The following KLF15 variants were observed in gnomAD, a reference collection of about 807,000 sequenced individuals.
The protein encoded by KLF15 is Krueppel-like factor 15.
In KLF15, 4 loss-of-function variants were observed where a neutral mutation model predicts 24.6. The ratio of observed to expected loss-of-function variants is 0.16; its 90% CI spans 0.08 to 0.37. The LOEUF is 0.37. Among genes scored for constraint, KLF15 ranks in the 10% least tolerant of loss-of-function variants. The probability of loss-of-function intolerance (pLI) is 1.00; values close to 1 mark genes in which losing one functional copy is unlikely to be tolerated. For synonymous variants in KLF15, 246 were observed against 236.3 expected (o/e 1.04, Z -0.37); for missense variants, 496 against 560.6 (o/e 0.88, Z 1.16).
chr3:126,339,821 G>A (rs1222277433), downstream of KLF15, among the ~76,000 whole-genome samples: 1 of 152,166 alleles, frequency 6.6e-6, no homozygotes, highest in African/African-American at 2.4e-5. Context: ...CCCTATTCAC[G>A]AACAGACAGT....
chr3:126,308,452 C>T, the KLF15 span, among the ~76,000 whole-genome samples: 6 of 150,930 alleles, frequency 4.0e-5, no homozygotes, highest in Admixed American at 1.3e-4. Flanking sequence ...CGCCAGGGGA[C>T]GACCACCTCA....
Position 126,351,969 on chromosome 3 carries a change from G to C in KLF15, c.954C>G (p.Ile318Met). The C allele has an allele frequency of 6.2e-7, 1 of 1,606,012 alleles. No homozygotes were observed. Among genetic ancestry groups the C allele is most frequent in the Non-Finnish European group, 8.5e-7 (1 of 1,176,188 alleles). ...CAGGGAAAGTACATTTGTGCATTTT[G>C]ATGAGTTCTGCGGCTGGGTTCTTGG... ...KFPKNPAAEL[I>M]KMHKCTFPGC... is the part of the protein sequence containing the mutation. Residue 318 changes from isoleucine to methionine, a missense_variant, in exon 2 of 3, where the codon ATC (isoleucine) becomes ATG (methionine). Coordinates refer to ENST00000296233, the MANE Select transcript of KLF15 (RefSeq NM_014079.4).
At chr3:126,348,386 C>A (rs1487129688) in intron 2 of KLF15, among the ~76,000 whole-genome samples, 2 of 152,116 alleles carry the variant, frequency 1.3e-5, no homozygotes, top group Non-Finnish European at 2.9e-5. Context: ...AGCCCAGAAG[C>A]ATAATGCCTT....
At position 126,352,846 on chromosome 3, in the gene KLF15, A is replaced by T. The variant is rs2082597283; in HGVS notation, c.77T>A (p.Leu26Gln). The change falls in exon 2 of 3, where the codon CTG (leucine) becomes CAG (glutamine). Residue 26 changes from leucine to glutamine, a missense_variant. Physicochemically the swap from Leu to Gln is moderately radical, Grantham distance 113. Coordinates refer to ENST00000296233, the MANE Select transcript of KLF15 (RefSeq NM_014079.4). ...CATGTGATATGCCCGCCGGCCAACCAGCCTATCACCCAGATACCCAACTGG... is the reference window on the plus strand; with the variant it reads ...CATGTGATATGCCCGCCGGCCAACCTGCCTATCACCCAGATACCCAACTGG... The part of the protein sequence containing the change: ...KCPVGYLGDR[L>Q]VGRRAYHMLP... The T allele has an allele frequency of 6.2e-7, 1 of 1,611,906 alleles. No homozygotes were observed. Among genetic ancestry groups the T allele is most frequent in the Non-Finnish European group, 8.5e-7 (1 of 1,179,592 alleles).
chr3:126,348,727 T>C (rs1347300908), intron 2 of KLF15, among the ~76,000 whole-genome samples: 2 of 152,232 alleles, frequency 1.3e-5, no homozygotes, highest in Non-Finnish European at 2.9e-5. Flanking sequence ...CGCGGGAGCC[T>C]GAGCCACAGC....
At chr3:126,339,781 C>T (rs188754341), downstream of KLF15, among the ~76,000 whole-genome samples, 100 of 152,346 alleles carry the variant, frequency 6.6e-4, no homozygotes, top group African/African-American at 2.2e-3. Flanking sequence ...CTCCACCTCC[C>T]GGCTCTCACG....
chr3:126,290,149 T>A, the KLF15 span, among the ~76,000 whole-genome samples: 5 of 152,178 alleles, frequency 3.3e-5, no homozygotes, highest in African/African-American at 9.7e-5. Flanking sequence ...ATTTTTTTTT[T>A]CTTTTGGCGG....
intron 1 of KLF15, chr3:126,354,402 A>G (rs748041464): frequency 3.9e-5 from 6 of 152,282 alleles, no homozygotes; most frequent in Non-Finnish European, 7.3e-5. Context: ...GCACTGCCCA[A>G]TGGCCAATAC....
At chr3:126,337,486 T>G in the KLF15 span, among the ~76,000 whole-genome samples, 2 of 141,372 alleles carry the variant, frequency 1.4e-5, no homozygotes, top group African/African-American at 5.4e-5. Flanking sequence ...AGATGATGAG[T>G]TAGTGGGTGC....
the KLF15 span, among the ~76,000 whole-genome samples, chr3:126,327,481 A>G: frequency 1.3e-5 from 2 of 152,082 alleles, no homozygotes; most frequent in Admixed American, 1.3e-4. Context: ...TCTAGGCAAG[A>G]GATCATGGGT....
intron 2 of KLF15, among the ~76,000 whole-genome samples, chr3:126,346,094 G>A (rs2082533984): frequency 1.3e-5 from 2 of 152,226 alleles, no homozygotes; most frequent in South Asian, 4.1e-4. Flanking sequence ...CTGGATGGGT[G>A]TGTGTGTCAC....
chr3:126,328,861 T>G, the KLF15 span, among the ~76,000 whole-genome samples: 1 of 152,378 alleles, frequency 6.6e-6, no homozygotes, highest in Admixed American at 6.5e-5. Flanking sequence ...TACTGTAAGT[T>G]GCTAGTTTAT....
chr3:126,302,981 G>T, the KLF15 span, among the ~76,000 whole-genome samples: 1 of 151,844 alleles, frequency 6.6e-6, no homozygotes, highest in Non-Finnish European at 1.5e-5. Context: ...TTGTTTAATT[G>T]AGCATTTTTT....
chr3:126,311,317 C>T, the KLF15 span, among the ~76,000 whole-genome samples: 3 of 152,216 alleles, frequency 2.0e-5, no homozygotes, highest in Non-Finnish European at 4.4e-5. Context: ...TATTCTCTTC[C>T]CAAACCAAGC....
chr3:126,320,806 A>T, the KLF15 span, among the ~76,000 whole-genome samples: 1 of 151,732 alleles, frequency 6.6e-6, no homozygotes, highest in Admixed American at 6.6e-5. Flanking sequence ...GAGCAGGAGG[A>T]TCACTAGTAA....
the KLF15 span, among the ~76,000 whole-genome samples, chr3:126,321,773 TG>T: frequency 6.6e-6 from 1 of 152,302 alleles, no homozygotes; most frequent in South Asian, 2.1e-4. Flanking sequence ...GATGTCTGGG[TG>T]GGCAATTGTG....
chr3:126,288,366 G>C, the KLF15 span: 3 of 152,244 alleles, frequency 2.0e-5, no homozygotes, highest in Admixed American at 2.0e-4. Context: ...CCGTGGGTTT[G>C]AATTTACACA....
the KLF15 span, among the ~76,000 whole-genome samples, chr3:126,332,163 G>A: frequency 1.7e-4 from 26 of 152,090 alleles, no homozygotes; most frequent in African/African-American, 6.3e-4. Flanking sequence ...GCAGACTTAA[G>A]TGTCCCTGTC....
At chr3:126,312,986 G>A in the KLF15 span, among the ~76,000 whole-genome samples, 2 of 152,106 alleles carry the variant, frequency 1.3e-5, no homozygotes, top group Admixed American at 1.3e-4. Flanking sequence ...GGATGTTATG[G>A]GCTGAGTTCT....
Sources: allele counts gnomAD v4.1 joint callset (sites outside exome capture counted in the v4.1 genomes callset), GRCh38; gene constraint gnomAD v4.1.1; transcripts MANE v1.5; gene names NCBI Gene and HGNC (gene_info 2026-07-23, HGNC 2026-07-21).